The following RGS6 variants were observed in gnomAD, a reference collection of about 807,000 sequenced individuals.
The protein encoded by RGS6 is regulator of G protein signaling 6.
RGS6 carries 30 observed loss-of-function variants against 78.5 expected under a neutral mutation model. That is an observed-to-expected ratio of 0.38 (90% confidence interval 0.29 to 0.52). The LOEUF (loss-of-function observed/expected upper bound fraction) is 0.52, where lower values mean the gene tolerates loss of function less well. Ranked by LOEUF, RGS6 falls within the 20% of genes least tolerant of loss-of-function variation. The probability of loss-of-function intolerance (pLI) is 0.85; values close to 1 mark genes in which losing one functional copy is unlikely to be tolerated. For synonymous variants in RGS6, 206 were observed against 206.0 expected (o/e 1.00, Z 0.00); for missense variants, 495 against 609.7 (o/e 0.81, Z 1.98).
rs375486408 is a variant in RGS6 at position 72,229,607 on chromosome 14, C to A, written c.85-122488C>A. On this transcript the variant is annotated intron_variant, in intron 2 of 17. Transcript: ENST00000553525. ...ACAGAGTCATTTAGGGCCTTTGTCC[C>A]ACATTTCTGGGAAATTTGTTTCTAT... Among the ~76,000 whole-genome samples the A allele has an allele frequency of 1.2e-4, 19 of 152,328 alleles. 1 individual carries two copies. The highest frequency in any genetic ancestry group is 7.2e-4 in the Admixed American group (11 of 15,304).
chr14:72,570,415 T>C (rs1394325066), downstream of RGS6, among the ~76,000 whole-genome samples: 1 of 152,192 alleles, frequency 6.6e-6, no homozygotes, highest in African/African-American at 2.4e-5. Flanking sequence ...ATGGTACTTA[T>C]CAGAGTGGGA....
intron 15 of RGS6, among the ~76,000 whole-genome samples, chr14:72,524,298 C>G (rs1469331010): frequency 6.6e-6 from 1 of 152,162 alleles, no homozygotes; most frequent in African/African-American, 2.4e-5. Flanking sequence ...GCATTGCAGG[C>G]TTTTACCTGG....
At chr14:72,311,154 T>C (rs2068525014) in intron 2 of RGS6, among the ~76,000 whole-genome samples, 1 of 152,202 alleles carries the variant, frequency 6.6e-6, no homozygotes, top group Non-Finnish European at 1.5e-5. Context: ...TTTTCAAGCC[T>C]TGCTCAGAAT....
chr14:71,928,892 TTAAAA>T (rs1187474024), upstream of RGS6, among the ~76,000 whole-genome samples: 8 of 152,366 alleles, frequency 5.3e-5, no homozygotes, highest in Non-Finnish European at 7.4e-5. Flanking sequence ...GAATTGATTC[TTAAAA>T]TAAACCCATG....
chr14:72,063,577 G>T (rs548236903), intron 2 of RGS6, among the ~76,000 whole-genome samples: 1 of 152,142 alleles, frequency 6.6e-6, no homozygotes, highest in African/African-American at 2.4e-5. Context: ...AGGATGTGAA[G>T]TCAGAAAAAT....
intron 3 of RGS6, among the ~76,000 whole-genome samples, chr14:72,409,931 T>G (rs2093277120): frequency 6.6e-6 from 1 of 152,240 alleles, no homozygotes; most frequent in Non-Finnish European, 1.5e-5. Context: ...CCATGTTGTA[T>G]ATGTGCCACA....
intron 2 of RGS6, among the ~76,000 whole-genome samples, chr14:72,117,749 T>C (rs1000550052): frequency 1.3e-5 from 2 of 152,020 alleles, no homozygotes; most frequent in Non-Finnish European, 2.9e-5. Context: ...GATCGGGGAG[T>C]GATGCAATCT....
chr14:72,105,685 G>T (rs537694704), intron 2 of RGS6, among the ~76,000 whole-genome samples: 1 of 152,080 alleles, frequency 6.6e-6, no homozygotes. Context: ...TCTCAGGTGC[G>T]CTTTGCTTTT....
the RGS6 span, among the ~76,000 whole-genome samples, chr14:72,628,650 G>T: frequency 6.6e-6 from 1 of 151,882 alleles, no homozygotes; most frequent in African/African-American, 2.4e-5. Flanking sequence ...GAGAGAGAGA[G>T]AGAGAGATGG....
chr14:72,210,128 C>T lies in RGS6; in HGVS notation c.85-141967C>T, dbSNP rs532403816. Among the ~76,000 whole-genome samples, 18 of 152,106 alleles carry T rather than the reference C, an allele frequency of 1.2e-4. 1 individual carries two copies. The South Asian group carries it at 3.8e-3, about 32-fold the overall frequency. On this transcript the variant is annotated intron_variant, in intron 2 of 17. Coordinates refer to ENST00000553525, the MANE Select transcript of RGS6 (RefSeq NM_001204424.2). ...TTTTCCTTTAGAGTTGGAATTTTGA[C>T]AGATGGAGAAAATTATCTAATAAAG...
intron 2 of RGS6, among the ~76,000 whole-genome samples, chr14:72,195,720 A>G (rs1599264105): frequency 6.6e-6 from 1 of 152,248 alleles, no homozygotes; most frequent in Non-Finnish European, 1.5e-5. Flanking sequence ...CAAGTGATCA[A>G]GTTACCCTGT....
intron 2 of RGS6, among the ~76,000 whole-genome samples, chr14:71,966,078 TG>T (rs757077023): frequency 1.1e-4 from 16 of 152,214 alleles, no homozygotes; most frequent in Non-Finnish European, 2.2e-4. Context: ...TGCTTCTTAT[TG>T]TACACCTTTT....
chr14:72,596,018 A>T, the RGS6 span, among the ~76,000 whole-genome samples: 1 of 152,242 alleles, frequency 6.6e-6, no homozygotes, highest in Non-Finnish European at 1.5e-5. Context: ...TCAGGGGAAC[A>T]GAATACCAGT....
intron 2 of RGS6, among the ~76,000 whole-genome samples, chr14:72,189,246 G>C (rs2097292022): frequency 6.6e-6 from 1 of 152,110 alleles, no homozygotes; most frequent in South Asian, 2.1e-4. Flanking sequence ...AAATAGATCT[G>C]AACACCAAAG....
intron 3 of RGS6, among the ~76,000 whole-genome samples, chr14:72,388,087 A>C (rs964022356): frequency 6.6e-6 from 1 of 152,220 alleles, no homozygotes; most frequent in Non-Finnish European, 1.5e-5. Flanking sequence ...TTAGGACTCC[A>C]CATATGAATT....
chr14:71,998,314 G>C (rs574240875), intron 2 of RGS6, among the ~76,000 whole-genome samples: 1 of 152,312 alleles, frequency 6.6e-6, no homozygotes, highest in East Asian at 1.9e-4. Flanking sequence ...AGGCAGGCTT[G>C]CCCTAAGCAG....
rs765918750 is a variant in RGS6, at chr14:72,273,143, AG to A, written c.85-78951del. ...GCAAAACTCCATCTCAAAAAAAAAA[AG>A]AAAGAAAGAAAATTGACTTGGAGAT... is the stretch of plus-strand genomic sequence containing the variant. On this transcript the variant is annotated intron_variant, in intron 2 of 17. Transcript: ENST00000553525. Among the ~76,000 whole-genome samples the A allele has an allele frequency of 1.7e-3, 249 of 149,934 alleles. 1 individual carries two copies. The highest frequency in any genetic ancestry group is 2.3e-3 in the African/African-American group (95 of 41,190).
chr14:72,545,176 C>T lies in RGS6; in HGVS notation c.1422+5082C>T, dbSNP rs115309625. Among the ~76,000 whole-genome samples the T allele has an allele frequency of 9.4e-3, 1,436 of 152,382 alleles. 23 individuals carry two copies. Among genetic ancestry groups the T allele is most frequent in the African/African-American group, 0.032 (1,345 of 41,586 alleles). On this transcript the variant is annotated intron_variant, in intron 17 of 17. Coordinates refer to ENST00000553525, the MANE Select transcript of RGS6 (RefSeq NM_001204424.2). ...CCAAAGGGTTAGTTTTTATTGCAAA[C>T]AGTCCTTGGACTCCTTTGGGACCAC...
intron 2 of RGS6, among the ~76,000 whole-genome samples, chr14:71,984,404 G>T (rs2094599628): frequency 6.8e-6 from 1 of 147,452 alleles, no homozygotes. Context: ...TAGCTACTGA[G>T]GAGGCTGAGA....
Sources: allele counts gnomAD v4.1 joint callset (sites outside exome capture counted in the v4.1 genomes callset), GRCh38; gene constraint gnomAD v4.1.1; transcripts MANE v1.5; gene names NCBI Gene and HGNC (gene_info 2026-07-23, HGNC 2026-07-21).